The following SSH3 variants were observed in gnomAD, a reference collection of about 807,000 sequenced individuals.
SSH3 encodes the protein slingshot protein phosphatase 3.
SSH3 carries 67 observed loss-of-function variants against 75.0 expected under a neutral mutation model. The ratio of observed to expected loss-of-function variants is 0.89; its 90% CI spans 0.73 to 1.10. The LOEUF (loss-of-function observed/expected upper bound fraction) is 1.10. Among genes scored for constraint, SSH3 ranks in the 50% least tolerant of loss-of-function variants. SSH3 has a pLI of 0.00. For missense variants in SSH3, 824 were observed against 872.7 expected (o/e 0.94, Z 0.70); for synonymous variants, 318 against 349.2 (o/e 0.91, Z 1.00).
At chr11:67,305,234 T>C (rs1366210354) in intron 3 of SSH3, among the ~76,000 whole-genome samples, 1 of 151,716 alleles carries the variant, frequency 6.6e-6, no homozygotes, top group Non-Finnish European at 1.5e-5. Flanking sequence ...TTGCCCAGGC[T>C]GGAGTGCAGT....
chr11:67,306,461 C>A (rs949402510), intron 3 of SSH3, among the ~76,000 whole-genome samples: 8 of 152,102 alleles, frequency 5.3e-5, no homozygotes, highest in African/African-American at 1.9e-4. Context: ...ATTATCTGGG[C>A]ATGGTGGCAT....
In SSH3 at chr11:67,312,034, G is replaced by GCCTCACCTCCCACCCCTGTCACTACA. The variant is rs1861427679; in HGVS notation, c.*147_*148insCCTCACCTCCCACCCCTGTCACTACA. ...CCTCACCTCCCACCCCTGTCACTAC[G>GCCTCACCTCCCACCCCTGTCACTACA]GCCTCACCTCCCACCCCTGTCACTA... On this transcript the variant is annotated 3_prime_UTR_variant, in exon 14 of 14. Coordinates refer to ENST00000308127, the MANE Select transcript of SSH3 (RefSeq NM_017857.4). The GCCTCACCTCCCACCCCTGTCACTACA allele has an allele frequency of 9.5e-7, 1 of 1,051,534 alleles. No homozygotes were observed. Among genetic ancestry groups the GCCTCACCTCCCACCCCTGTCACTACA allele is most frequent in the African/African-American group, 1.7e-5 (1 of 59,622 alleles). 65.1% of individuals were successfully genotyped at this position (1,051,534 alleles called of 1,614,324 possible).
In SSH3 at chr11:67,308,850, C is replaced by A. The variant is rs555129812; in HGVS notation, c.1061+392C>A. Reference sequence around the variant, plus strand: ...ATCGCTTGAGCCCTGGAGATTGAGGCCGCAGTGAGCCGTGATCACGCCACT... The same window carrying A: ...ATCGCTTGAGCCCTGGAGATTGAGGACGCAGTGAGCCGTGATCACGCCACT... On this transcript the variant is annotated intron_variant, in intron 10 of 13. Transcript: ENST00000308127. This position sits in a 1 kb window ranked among gnomAD's most constrained non-coding sequence, Gnocchi z 4.9. Among the ~76,000 whole-genome samples the A allele has an allele frequency of 6.6e-6, 1 of 152,168 alleles. No individual in the cohort carries two copies. The highest frequency in any genetic ancestry group is 2.1e-4 in the South Asian group (1 of 4,826).
Position 67,303,614 on chromosome 11 carries a change from C to A in SSH3, c.-12C>A, listed in dbSNP as rs748159453. ...TGCCCGGTGCCAGCCCAGGTGCTCG[C>A]GGCCTGGCTCCATGGCCCTGGTCAC... On this transcript the variant is annotated 5_prime_UTR_variant, in exon 1 of 14. Transcript: ENST00000308127. 5 of 1,518,164 alleles carry A rather than the reference C, an allele frequency of 3.3e-6. No homozygotes were observed. The South Asian group carries it at 4.8e-5, about 15-fold the overall frequency. The allele number at this position is 1,518,164 out of a possible 1,614,324, so 94.0% of individuals were successfully genotyped here.
chr11:67,306,354 C>T (rs535177441), intron 3 of SSH3, among the ~76,000 whole-genome samples: 1 of 151,988 alleles, frequency 6.6e-6, no homozygotes, highest in Admixed American at 6.5e-5. Context: ...AATCCCAGCA[C>T]TTTGGGAGGC....
chr11:67,308,012 C>A lies in SSH3; in HGVS notation c.885+73C>A, dbSNP rs1861297923. 6.2e-7 allele frequency: 1 copy of A among 1,602,886 alleles called. No homozygotes were observed. ...GCTTGCCTTTCCTGGGAGCCCTCCC[C>A]ACCTTGCCTGTCTCCAGTCCTGAGC... is the stretch of plus-strand genomic sequence containing the variant. On this transcript the variant is annotated intron_variant, in intron 8 of 13. Transcript: ENST00000308127. The surrounding 1 kb of genome is among the most constrained non-coding windows in gnomAD (Gnocchi z 4.9).
chr11:67,304,133 C>T lies in SSH3; in HGVS notation c.82C>T (p.Arg28Ter), dbSNP rs1048451515. 6 of 1,598,882 alleles carry T rather than the reference C, an allele frequency of 3.8e-6. No individual in the cohort carries two copies. Among genetic ancestry groups the T allele is most frequent in the African/African-American group, 1.3e-5 (1 of 74,716 alleles). Residue 28 changes from arginine to a stop codon, truncating the protein, a stop_gained, in exon 2 of 14, where the codon CGA becomes TGA. Transcript: ENST00000308127. LOFTEE classifies it high-confidence loss of function. Reference protein sequence around the residue: ...PVGPWDQAVQRRSRLQRRQSF... With the variant: ...PVGPWDQAVQ ...CTCTCCGCAGGACCAGGCGGTCCAGCGAAGGAGTCGACTCCAGCGAAGGTG... is the reference window on the plus strand; with the variant it reads ...CTCTCCGCAGGACCAGGCGGTCCAGTGAAGGAGTCGACTCCAGCGAAGGTG...
rs1861281644 is a variant in SSH3, at chr11:67,307,565, T to C, written c.619T>C (p.Leu207=). The C allele has an allele frequency of 6.2e-7, 1 of 1,611,444 alleles. No homozygotes were observed. The highest frequency in any genetic ancestry group is 1.7e-5 in the Admixed American group (1 of 59,880). The stretch of plus-strand genomic sequence containing the variant: ...CTGTCTCAGGGCCACACTCCAGGTA[T>C]TGCACCAAGCATGTGAGGCAGCTCT... ...IQTMWATLQV[L]HQACEAALGS... is the part of the protein sequence containing the mutation. The change falls in exon 7 of 14, where the codon TTG becomes CTG. Residue 207 remains leucine, a synonymous_variant. Coordinates refer to ENST00000308127, the MANE Select transcript of SSH3 (RefSeq NM_017857.4). The surrounding 1 kb of genome is among the most constrained non-coding windows in gnomAD (Gnocchi z 4.2).
Position 67,308,526 on chromosome 11 carries a change from G to T in SSH3, c.1061+68G>T, listed in dbSNP as rs1861317456. On this transcript the variant is annotated intron_variant, in intron 10 of 13. Transcript: ENST00000308127. This position sits in a 1 kb window ranked among gnomAD's most constrained non-coding sequence, Gnocchi z 4.9. ...TCTCCTGGCCTCCCCGCATTGGGTG[G>T]TAGCCAGCTTCAAAAACCCCTGGAC... 6.5e-7 allele frequency: 1 copy of T among 1,539,872 alleles called. No homozygotes were observed. Among genetic ancestry groups the T allele is most frequent in the Non-Finnish European group, 8.8e-7 (1 of 1,139,300 alleles).
chr11:67,312,281 C>G lies in SSH3; in HGVS notation c.*394C>G, dbSNP rs1239790164. Reference sequence around the variant, plus strand: ...CACGCCTCCCACCCCCGCCCCCTCCCTGCACCTCCTGTCCTCTCCCAGTTC... The same window carrying G: ...CACGCCTCCCACCCCCGCCCCCTCCGTGCACCTCCTGTCCTCTCCCAGTTC... On this transcript the variant is annotated 3_prime_UTR_variant, in exon 14 of 14. Transcript: ENST00000308127. The G allele has an allele frequency of 4.6e-6, 1 of 216,366 alleles. No homozygotes were observed. The highest frequency in any genetic ancestry group is 6.3e-5 in the South Asian group (1 of 15,930). 13.4% of individuals were successfully genotyped at this position (216,366 alleles called of 1,614,324 possible).
intron 10 of SSH3, 127 bp from the exon 11 acceptor site, chr11:67,309,266 CCACT>C (rs1202677533): frequency 8.6e-6 from 10 of 1,162,030 alleles, no homozygotes; most frequent in Non-Finnish European, 1.2e-5. Context: ...ACTTCTCCTC[CCACT>C]GTCACTGCTG....
intron 12 of SSH3, 33 bp from the exon 13 acceptor site, chr11:67,310,033 A>T (rs780390981): frequency 6.2e-7 from 1 of 1,610,368 alleles, no homozygotes; most frequent in Non-Finnish European, 8.5e-7. Flanking sequence ...CTGCTGGGTC[A>T]CTCAGAGCTG....
At chr11:67,311,162 T>C (rs980998454) in intron 13 of SSH3, among the ~76,000 whole-genome samples, 1 of 152,030 alleles carries the variant, frequency 6.6e-6, no homozygotes, top group Non-Finnish European at 1.5e-5. Flanking sequence ...GGTGTGGGCG[T>C]TGCTAAAGGC....
At position 67,310,128 on chromosome 11, in the gene SSH3, C is replaced by T; in HGVS notation, c.1472C>T (p.Pro491Leu). 6.2e-7 allele frequency: 1 copy of T among 1,614,180 alleles called. No homozygotes were observed. The highest frequency in any genetic ancestry group is 8.5e-7 in the Non-Finnish European group (1 of 1,180,046). ...GGVSPEEHPA[P>L]EVSTPFPPLP... ...GTCTCCCCAGAGGAGCACCCAGCCCCTGAAGTCTCTACACCATTCCCACCT... is the reference window on the plus strand; with the variant it reads ...GTCTCCCCAGAGGAGCACCCAGCCCTTGAAGTCTCTACACCATTCCCACCT... The change falls in exon 13 of 14, where the codon CCT becomes CTT. Residue 491 changes from proline (P) to leucine (L), a missense_variant. By Grantham distance (98) the Pro-to-Leu change is moderately conservative (BLOSUM62 -3). Coordinates refer to ENST00000308127, the MANE Select transcript of SSH3 (RefSeq NM_017857.4).
chr11:67,311,664 GC>G lies in SSH3; in HGVS notation c.1759del (p.Gln587SerfsTer11). 6.2e-7 allele frequency: 1 copy of G among 1,614,110 alleles called. No individual in the cohort carries two copies. ...PFPQLARTKGGQQVDRGPQPA... is the reference protein window; with the variant it reads ...PFPQLARTKGXQQVDRGPQPA... Reference sequence around the variant, plus strand: ...CCACAGCTTGCAAGGACCAAGGGAGGCCAGCAGGTGGACAGGGGGCCTCAGC... The same window carrying G: ...CCACAGCTTGCAAGGACCAAGGGAGGCAGCAGGTGGACAGGGGGCCTCAGC... On this transcript the variant is annotated frameshift_variant, in exon 14 of 14. Coordinates refer to ENST00000308127, the MANE Select transcript of SSH3 (RefSeq NM_017857.4). LOFTEE classifies it low-confidence loss of function (END_TRUNC).
intron 1 of SSH3, 141 bp from the exon 2 acceptor site, chr11:67,303,977 C>T (rs1232993259): frequency 7.7e-6 from 9 of 1,172,730 alleles, no homozygotes; most frequent in Non-Finnish European, 1.1e-5. Flanking sequence ...CACGGGGCCT[C>T]CCGGTGGGGC....
rs534277202 is a variant in SSH3, at chr11:67,303,595, G to C, written c.-31G>C. 4 of 1,517,118 alleles carry C rather than the reference G, an allele frequency of 2.6e-6. No homozygotes were observed. The highest frequency in any genetic ancestry group is 2.0e-5 in the Admixed American group (1 of 50,048). The allele number at this position is 1,517,118 out of a possible 1,614,324, so 94.0% of individuals were successfully genotyped here. On this transcript the variant is annotated 5_prime_UTR_variant, in exon 1 of 14. Coordinates refer to ENST00000308127, the MANE Select transcript of SSH3 (RefSeq NM_017857.4). ...GGGTTGAGGGAAGGGGCCGTGCCCGGTGCCAGCCCAGGTGCTCGCGGCCTG... is the reference window on the plus strand; with the variant it reads ...GGGTTGAGGGAAGGGGCCGTGCCCGCTGCCAGCCCAGGTGCTCGCGGCCTG...
chr11:67,308,492 AT>A lies in SSH3; in HGVS notation c.1061+35del. The A allele has an allele frequency of 6.4e-7, 1 of 1,556,266 alleles. No homozygotes were observed. Among genetic ancestry groups the A allele is most frequent in the Non-Finnish European group, 8.7e-7 (1 of 1,150,762 alleles). ...ATGAGCCCCTCGGGCCACCCACCCC[AT>A]CTTCCCTTCTCCTGGCCTCCCCGCA... On this transcript the variant is annotated intron_variant, in intron 10 of 13. Transcript: ENST00000308127. This position sits in a 1 kb window ranked among gnomAD's most constrained non-coding sequence, Gnocchi z 4.9.
Position 67,304,878 on chromosome 11 carries a change from TGAG to T in SSH3, c.217_219del (p.Glu73del), listed in dbSNP as rs1441484402. On this transcript the variant is annotated inframe_deletion, in exon 3 of 14. Transcript: ENST00000308127. ...CTGAGCCAACAGAGAAGGCCCCGAG[TGAG>T]GAGGAGCTCCACGGGGACCAGACAG... The T allele has an allele frequency of 1.2e-6, 2 of 1,613,134 alleles. 1 individual carries two copies. The highest frequency in any genetic ancestry group is 1.7e-6 in the Non-Finnish European group (2 of 1,179,894).
Sources: gnomAD v4.1 joint callset for allele counts (sites outside exome capture counted in the v4.1 genomes callset) on GRCh38, gnomAD v4.1.1 for gene constraint, Gnocchi (gnomAD v3.1) non-coding constraint, MANE v1.5 for transcripts, NCBI Gene and HGNC (gene_info 2026-07-23, HGNC 2026-07-21) for gene names.